Variants in SPTB observed in about 807,000 individuals in gnomAD.
The protein encoded by SPTB is spectrin beta, erythrocytic.
A neutral mutation model predicts 256.2 loss-of-function variants in SPTB; 45 were observed. The observed-to-expected ratio is 0.18, with a 90% CI of 0.14 to 0.23. The LOEUF (loss-of-function observed/expected upper bound fraction) is 0.23, where lower values mean the gene tolerates loss of function less well. Ranked by LOEUF, SPTB falls within the 10% of genes least tolerant of loss-of-function variation. The pLI, the probability that SPTB is intolerant of heterozygous loss-of-function variation, is 1.00. For synonymous variants in SPTB, 1,231 were observed against 1,243.1 expected (o/e 0.99, Z 0.21); for missense variants, 2,715 against 3,040.4 (o/e 0.89, Z 2.52).
intron 4 of SPTB, 57 bp downstream of exon 4, chr14:64,803,550 A>G (rs1409622142): frequency 1.7e-5 from 27 of 1,605,270 alleles, no homozygotes; most frequent in Non-Finnish European, 2.0e-5. Context: ...ATAAGATTCT[A>G]AGGCCCTGGG....
intron 32 of SPTB, among the ~76,000 whole-genome samples, chr14:64,757,844 C>T (rs2082037064): frequency 6.6e-6 from 1 of 152,164 alleles, no homozygotes; most frequent in Admixed American, 6.5e-5. Flanking sequence ...TTCTAGAAGG[C>T]CCTGTGAGCA....
At chr14:64,756,394 CCCGTCTCTA>C (rs2139439631) in intron 32 of SPTB, 1 of 152,250 alleles carries the variant, frequency 6.6e-6, no homozygotes, top group African/African-American at 2.4e-5. Flanking sequence ...ACAGTGAAAC[CCCGTCTCTA>C]CTAAAAATAC....
chr14:64,823,170 G>A lies in SPTB; in HGVS notation c.-51-25C>T. 1 of 1,574,228 alleles carries A rather than the reference G, an allele frequency of 6.4e-7. No homozygotes were observed. Among genetic ancestry groups the A allele is most frequent in the Non-Finnish European group, 8.7e-7 (1 of 1,144,706 alleles). On this transcript the variant is annotated intron_variant, in intron 1 of 35. Coordinates refer to ENST00000644917, the MANE Select transcript of SPTB (RefSeq NM_001355436.2). The surrounding 1 kb of genome is among the most constrained non-coding windows in gnomAD (Gnocchi z 6.5). ...CCTGGGGGACAGCAACACAGTCAGA[G>A]GGTTATCTCTCTACCCCCTCGGACT... is the stretch of plus-strand genomic sequence containing the variant.
chr14:64,861,056 G>C (rs1164042031), intron 1 of SPTB, among the ~76,000 whole-genome samples: 1 of 152,152 alleles, frequency 6.6e-6, no homozygotes, highest in Non-Finnish European at 1.5e-5. Flanking sequence ...GCAGGGACTT[G>C]GATGAAGCTG....
chr14:64,819,456 A>G (rs1043670418), intron 2 of SPTB, among the ~76,000 whole-genome samples: 2 of 152,242 alleles, frequency 1.3e-5, no homozygotes, highest in African/African-American at 4.8e-5. Context: ...GACAAGACCC[A>G]TCATCCTTAC....
At chr14:64,874,850 G>A (rs1187146165) in intron 1 of SPTB, among the ~76,000 whole-genome samples, 7 of 152,094 alleles carry the variant, frequency 4.6e-5, no homozygotes, top group Non-Finnish European at 1.0e-4. Context: ...ACTATAATTC[G>A]AAGCAATTAT....
Position 64,799,888 on chromosome 14 carries a change from C to T in SPTB, c.923G>A (p.Ser308Asn), listed in dbSNP as rs568301999. 136 of 1,614,256 alleles carry T rather than the reference C, an allele frequency of 8.4e-5. 2 individuals are homozygous for T. The South Asian group carries it at 1.4e-3, about 17-fold the overall frequency. Reference protein sequence around the residue: ...IETEKMIEKYSGLASDLLTWI... With the variant: ...IETEKMIEKYNGLASDLLTWI... ...GGTGAGCAGGTCCGAGGCTAGCCCG[C>T]TGTACTTTTCAATCATCTTCTCAGT... The change falls in exon 9 of 36, where the codon AGC becomes AAC. Residue 308 changes from serine (S) to asparagine (N), a missense_variant. This residue lies in a region of SPTB where 416 missense variants were observed against 571.1 expected (regional missense o/e 0.73). Coordinates refer to ENST00000644917, the MANE Select transcript of SPTB (RefSeq NM_001355436.2).
rs2083362362 is a variant in SPTB at position 64,825,401 on chromosome 14, G to A, written c.-51-2256C>T. Among the ~76,000 whole-genome samples the A allele has an allele frequency of 6.6e-6, 1 of 152,176 alleles. No individual in the cohort carries two copies. The highest frequency in any genetic ancestry group is 2.1e-4 in the South Asian group (1 of 4,828). On this transcript the variant is annotated intron_variant, in intron 1 of 35. Coordinates refer to ENST00000644917, the MANE Select transcript of SPTB (RefSeq NM_001355436.2). The surrounding 1 kb of genome is among the most constrained non-coding windows in gnomAD (Gnocchi z 4.8). The stretch of plus-strand genomic sequence containing the variant: ...ATGGACTTGCTGCTTCCAGGACTGA[G>A]ATTTCGCACCCAACTGGCTGGGCAA...
rs1414054809 is a variant in SPTB at position 64,779,477 on chromosome 14, G to A, written c.4474-231C>T. 2.6e-5 allele frequency among the ~76,000 whole-genome samples: 4 copies of A among 152,156 alleles called. No individual in the cohort carries two copies. Among genetic ancestry groups the A allele is most frequent in the East Asian group, 1.9e-4 (1 of 5,188 alleles). The stretch of plus-strand genomic sequence containing the variant: ...TGGGAAGGTAATGTAGCTGGATCTC[G>A]AACCCAAGTCTGTCTGACCCAAGTC... On this transcript the variant is annotated intron_variant, in intron 21 of 35. Transcript: ENST00000644917. This position sits in a 1 kb window ranked among gnomAD's most constrained non-coding sequence, Gnocchi z 4.2.
At chr14:64,787,271 A>G in intron 15 of SPTB, 111 bp from the exon 16 acceptor site, 1 of 1,396,186 alleles carries the variant, frequency 7.2e-7, no homozygotes, top group Non-Finnish European at 9.7e-7. Flanking sequence ...CCCCCCACAG[A>G]CTTTGTATGA....
chr14:64,799,176 T>C (rs568331638), intron 9 of SPTB, among the ~76,000 whole-genome samples: 93 of 152,388 alleles, frequency 6.1e-4, no homozygotes, highest in African/African-American at 2.1e-3. Context: ...GTTATGTGTA[T>C]GCAGGTATGC....
intron 5 of SPTB, 39 bp from the exon 6 acceptor site, chr14:64,801,873 T>A (rs2082892808): frequency 1.3e-6 from 2 of 1,583,862 alleles, no homozygotes; most frequent in Non-Finnish European, 1.7e-6. Flanking sequence ...AGAATTAGAT[T>A]TTTTGTAGTC....
rs1435790446 is a variant in SPTB at position 64,748,506 on chromosome 14, T to C, written c.*800A>G. ...CCTAGCCACGGTTTTCAATGAGGAA[T>C]GGTCTGACCTTGCTGCCCTTCCTGG... is the stretch of plus-strand genomic sequence containing the variant. On this transcript the variant is annotated 3_prime_UTR_variant, in exon 36 of 36. Transcript: ENST00000644917. 1 of 152,346 alleles carries C rather than the reference T, an allele frequency of 6.6e-6. No homozygotes were observed. The highest frequency in any genetic ancestry group is 1.5e-5 in the Non-Finnish European group (1 of 68,158). 9.4% of individuals were successfully genotyped at this position (152,346 alleles called of 1,614,324 possible). A position where few individuals can be genotyped will look rare whatever the true frequency, so the allele number is the denominator to read the frequency against.
intron 9 of SPTB, among the ~76,000 whole-genome samples, chr14:64,798,668 C>G (rs965340078): frequency 6.6e-6 from 1 of 152,240 alleles, no homozygotes; most frequent in Non-Finnish European, 1.5e-5. Context: ...GATAACACCT[C>G]TGTGTGCAGT....
At position 64,796,687 on chromosome 14, in the gene SPTB, T is replaced by C. The variant is rs1473222862; in HGVS notation, c.1211A>G (p.Tyr404Cys). 1 of 1,614,098 alleles carries C rather than the reference T, an allele frequency of 6.2e-7. No individual in the cohort carries two copies. Among genetic ancestry groups the C allele is most frequent in the Non-Finnish European group, 8.5e-7 (1 of 1,180,054 alleles). The change falls in exon 11 of 36, where the codon TAT (tyrosine) becomes TGT (cysteine). Residue 404 changes from tyrosine to cysteine, a missense_variant. Physicochemically the swap from Tyr to Cys is radical, Grantham distance 194 (BLOSUM62 -2). Around this residue, in one of 4 missense-constraint regions of SPTB, gnomAD observed 416 missense variants for 571.1 expected, o/e 0.73. Coordinates refer to ENST00000644917, the MANE Select transcript of SPTB (RefSeq NM_001355436.2). This position sits in a 1 kb window ranked among gnomAD's most constrained non-coding sequence, Gnocchi z 4.1. The part of the protein sequence containing the change: ...RAWESLEEAE[Y>C]RRELALRNEL... ...ATTTCTCAGGGCCAGCTCCCGCCGA[T>C]ACTCAGCTTCCTCCAGGCTTTCCCA...
intron 32 of SPTB, among the ~76,000 whole-genome samples, chr14:64,763,457 C>T (rs749808): frequency 0.13 from 19,873 of 152,254 alleles, 1,359 homozygotes; most frequent in Middle Eastern, 0.16. Flanking sequence ...TGAGACCAGC[C>T]AGGTACCACA....
rs995366862 is a variant in SPTB at position 64,844,558 on chromosome 14, G to A, written c.-51-21413C>T. 3.3e-5 allele frequency among the ~76,000 whole-genome samples: 5 copies of A among 152,224 alleles called. No individual in the cohort carries two copies. The highest frequency in any genetic ancestry group is 1.3e-4 in the Admixed American group (2 of 15,282). On this transcript the variant is annotated intron_variant, in intron 1 of 35. Transcript: ENST00000644917. The surrounding 1 kb of genome is among the most constrained non-coding windows in gnomAD (Gnocchi z 4.1). ...TACTTGCCCAAAGTCACACAACTGT[G>A]AGAAGCCTGATGCCGGTCTGACAGC...
rs747738552 is a variant in SPTB at position 64,753,635 on chromosome 14, C to T, written c.6504G>A (p.Thr2168=). The part of the protein sequence containing the change: ...TPLSEGDEPA[T]LPAPRDHGQS... ...GCCCATGGTCCCGCGGGGCCGGCAGCGTTGCGGGCTCATCACCCTCGCTCA... is the reference window on the plus strand; with the variant it reads ...GCCCATGGTCCCGCGGGGCCGGCAGTGTTGCGGGCTCATCACCCTCGCTCA... The change falls in exon 33 of 36, where the codon ACG becomes ACA. Residue 2168 remains threonine, a synonymous_variant. Coordinates refer to ENST00000644917, the MANE Select transcript of SPTB (RefSeq NM_001355436.2). 4.6e-5 allele frequency: 75 copies of T among 1,613,544 alleles called. No homozygotes were observed. Among genetic ancestry groups the T allele is most frequent in the Middle Eastern group, 3.3e-4 (2 of 6,084 alleles).
intron 19 of SPTB, among the ~76,000 whole-genome samples, 180 bp downstream of exon 19, chr14:64,784,067 T>C (rs1004230651): frequency 6.6e-6 from 1 of 152,216 alleles, no homozygotes; most frequent in African/African-American, 2.4e-5. Context: ...TCTGACCAGG[T>C]GTACTAAGAC....
Sources: gnomAD v4.1 joint callset for allele counts (sites outside exome capture counted in the v4.1 genomes callset) on GRCh38, gnomAD v4.1.1 for gene constraint, gnomAD v4.1.1 regional missense constraint, Gnocchi (gnomAD v3.1) non-coding constraint, MANE v1.5 for transcripts, NCBI Gene and HGNC (gene_info 2026-07-23, HGNC 2026-07-21) for gene names.